The following XRCC4 variants were observed in gnomAD, a reference collection of about 807,000 sequenced individuals.
The protein encoded by XRCC4 is DNA repair protein XRCC4.
A neutral mutation model predicts 39.1 loss-of-function variants in XRCC4; 28 were observed. The observed-to-expected ratio is 0.72, with a 90% CI of 0.53 to 0.98. The LOEUF (loss-of-function observed/expected upper bound fraction) is 0.98, where lower values mean the gene tolerates loss of function less well. XRCC4 is among the 50% of genes least tolerant of loss of function. The probability of loss-of-function intolerance (pLI) is 0.00; values close to 1 mark genes in which losing one functional copy is unlikely to be tolerated. For missense variants in XRCC4, 350 were observed against 376.4 expected, an observed-to-expected ratio of 0.93 and a Z score of 0.58; for synonymous variants, 123 against 126.4, an observed-to-expected ratio of 0.97 and a Z score of 0.18.
chr5:83,309,483 T>C (rs1041362380), intron 7 of XRCC4, among the ~76,000 whole-genome samples: 5 of 150,026 alleles, frequency 3.3e-5, no homozygotes, highest in Non-Finnish European at 7.4e-5. Context: ...TGGATTAGGC[T>C]GGGCGCGGTG....
chr5:83,177,562 A>G (rs973177856), intron 3 of XRCC4, among the ~76,000 whole-genome samples: 2 of 151,902 alleles, frequency 1.3e-5, no homozygotes, highest in African/African-American at 4.8e-5. Flanking sequence ...CCATTTCTGC[A>G]TGTAGCTTTT....
chr5:83,321,486 A>G (rs1292536490), intron 7 of XRCC4, among the ~76,000 whole-genome samples: 1 of 152,204 alleles, frequency 6.6e-6, no homozygotes, highest in African/African-American at 2.4e-5. Context: ...GTATAAATAT[A>G]GAAAATCTCA....
At chr5:83,142,817 G>T (rs1334707278) in intron 3 of XRCC4, among the ~76,000 whole-genome samples, 1 of 152,116 alleles carries the variant, frequency 6.6e-6, no homozygotes, top group Non-Finnish European at 1.5e-5. Context: ...ATTATTAAGA[G>T]ATCTCAGCTG....
At chr5:83,318,026 C>A (rs1194421568) in intron 7 of XRCC4, among the ~76,000 whole-genome samples, 1 of 131,256 alleles carries the variant, frequency 7.6e-6, no homozygotes, top group Non-Finnish European at 1.5e-5. Flanking sequence ...GGGCTTCATC[C>A]CTGGGATGCA....
chr5:83,219,549 G>A (rs774077024), intron 6 of XRCC4, among the ~76,000 whole-genome samples: 1 of 152,168 alleles, frequency 6.6e-6, no homozygotes, highest in African/African-American at 2.4e-5. Context: ...GAAAGTAACA[G>A]CATTCAAACA....
At chr5:83,342,869 A>T (rs1028573228) in intron 7 of XRCC4, among the ~76,000 whole-genome samples, 1 of 152,188 alleles carries the variant, frequency 6.6e-6, no homozygotes, top group Non-Finnish European at 1.5e-5. Flanking sequence ...CTTTAAGCAC[A>T]TTATTTAAAA....
At chr5:83,158,564 A>G (rs1749063749) in intron 3 of XRCC4, among the ~76,000 whole-genome samples, 1 of 152,144 alleles carries the variant, frequency 6.6e-6, no homozygotes, top group Admixed American at 6.6e-5. Flanking sequence ...ATGGATTTTG[A>G]AAAACAAAAG....
At chr5:83,315,849 C>T (rs1440742741) in intron 7 of XRCC4, among the ~76,000 whole-genome samples, 2 of 152,130 alleles carry the variant, frequency 1.3e-5, no homozygotes, top group East Asian at 3.9e-4. Flanking sequence ...TGCCTGCTAA[C>T]ACAACATTCA....
At chr5:83,329,706 GT>G (rs1180055266) in intron 7 of XRCC4, among the ~76,000 whole-genome samples, 1 of 152,012 alleles carries the variant, frequency 6.6e-6, no homozygotes, top group Non-Finnish European at 1.5e-5. Context: ...CCTACCAAAG[GT>G]GCACAACTTT....
chr5:83,166,148 A>C (rs1158809684), intron 3 of XRCC4, among the ~76,000 whole-genome samples: 1 of 151,848 alleles, frequency 6.6e-6, no homozygotes, highest in African/African-American at 2.4e-5. Context: ...TGGCCTCCCA[A>C]AGTGCTGGGA....
intron 3 of XRCC4, among the ~76,000 whole-genome samples, chr5:83,162,146 G>A (rs1291760630): frequency 5.3e-5 from 8 of 152,110 alleles, no homozygotes; most frequent in African/African-American, 9.7e-5. Context: ...CAGCCTGGGC[G>A]ACAGAGCGAG....
chr5:83,270,287 A>G (rs1754094736), intron 7 of XRCC4, among the ~76,000 whole-genome samples: 2 of 152,178 alleles, frequency 1.3e-5, no homozygotes, highest in Admixed American at 6.5e-5. Flanking sequence ...CTATTAGGCC[A>G]TGGACCAGAG....
chr5:83,309,266 C>CAAAA lies in XRCC4; in HGVS notation c.894-43837_894-43834dup, dbSNP rs59326460. On this transcript the variant is annotated intron_variant, in intron 7 of 7. Coordinates refer to ENST00000396027, the MANE Select transcript of XRCC4 (RefSeq NM_003401.5). ...TGGGTGACAGAGCGAGACTCCGTCT[C>CAAAA]AAAAAAAAAAAAAAAAAAAAAAAAA... Among the ~76,000 whole-genome samples, 33 of 17,382 alleles carry CAAAA rather than the reference C, an allele frequency of 1.9e-3. 4 individuals are homozygous for CAAAA. The highest frequency in any genetic ancestry group is 0.019 in the East Asian group (2 of 106). The allele number at this position is 17,382 out of a possible 152,430, so 11.4% of individuals were successfully genotyped here.
chr5:83,200,815 A>G (rs1287711276), intron 4 of XRCC4, among the ~76,000 whole-genome samples: 1 of 152,150 alleles, frequency 6.6e-6, no homozygotes, highest in East Asian at 1.9e-4. Context: ...TTTCAGTAAT[A>G]TGTATGTTTT....
At chr5:83,170,957 A>G (rs1239381794) in intron 3 of XRCC4, among the ~76,000 whole-genome samples, 1 of 152,130 alleles carries the variant, frequency 6.6e-6, no homozygotes. Flanking sequence ...TCTATCTTAA[A>G]TGTGTCTGTA....
chr5:83,090,261 C>G (rs1053324642), intron 1 of XRCC4, among the ~76,000 whole-genome samples: 3 of 152,014 alleles, frequency 2.0e-5, no homozygotes, highest in African/African-American at 7.3e-5. Flanking sequence ...GTAATTGAAT[C>G]ATGGGGGCAG....
At chr5:83,291,581 A>T (rs1754921349) in intron 7 of XRCC4, among the ~76,000 whole-genome samples, 1 of 151,920 alleles carries the variant, frequency 6.6e-6, no homozygotes, top group African/African-American at 2.4e-5. Context: ...GCAGCAGAAT[A>T]GAATATATTC....
At chr5:83,246,640 A>G (rs1344020504) in intron 6 of XRCC4, among the ~76,000 whole-genome samples, 1 of 152,140 alleles carries the variant, frequency 6.6e-6, no homozygotes. Context: ...TGGAAGAATT[A>G]TAAATTTAAA....
At chr5:83,336,429 CTT>C (rs1756597446) in intron 7 of XRCC4, among the ~76,000 whole-genome samples, 1 of 151,896 alleles carries the variant, frequency 6.6e-6, no homozygotes, top group African/African-American at 2.4e-5. Flanking sequence ...AAATCTGATT[CTT>C]TTTCTTGGTT....
Sources: allele counts gnomAD v4.1 joint callset (sites outside exome capture counted in the v4.1 genomes callset), GRCh38; gene constraint gnomAD v4.1.1; transcripts MANE v1.5; gene names NCBI Gene and HGNC (gene_info 2026-07-23, HGNC 2026-07-21).